The following PTPRD variants were observed in gnomAD, a reference collection of about 807,000 sequenced individuals.
PTPRD encodes receptor-type tyrosine-protein phosphatase delta.
In PTPRD, 34 loss-of-function variants were observed where a neutral mutation model predicts 214.5. That is an observed-to-expected ratio of 0.16 (90% CI 0.12 to 0.21). PTPRD has a LOEUF of 0.21. Among genes scored for constraint, PTPRD ranks in the 10% least tolerant of loss-of-function variants. PTPRD has a pLI of 1.00. For synonymous variants in PTPRD, 1,128 were observed against 845.7 expected (o/e 1.33, Z -5.79); for missense variants, 2,545 against 2,398.7 (o/e 1.06, Z -1.27).
At chr9:9,680,985 C>G (rs746971331) in intron 7 of PTPRD, among the ~76,000 whole-genome samples, 1 of 151,660 alleles carries the variant, frequency 6.6e-6, no homozygotes. Context: ...TCATTTAGTT[C>G]TTTAATATGG....
At chr9:10,023,401 T>G (rs1285648882) in intron 4 of PTPRD, among the ~76,000 whole-genome samples, 2 of 152,190 alleles carry the variant, frequency 1.3e-5, no homozygotes, top group Non-Finnish European at 2.9e-5. Context: ...CAAGGACTCC[T>G]GTCCGTCCTT....
intron 10 of PTPRD, among the ~76,000 whole-genome samples, chr9:9,076,330 G>T (rs570629062): frequency 1.5e-4 from 23 of 152,072 alleles, no homozygotes; most frequent in African/African-American, 5.5e-4. Flanking sequence ...ATTTTCCCCC[G>T]TTCTGTAGGT....
chr9:10,140,059 C>A (rs923136859), intron 3 of PTPRD, among the ~76,000 whole-genome samples: 3 of 152,012 alleles, frequency 2.0e-5, no homozygotes, highest in Admixed American at 1.3e-4. Flanking sequence ...AATTAAAGAG[C>A]TTCTTCTCAG....
intron 2 of PTPRD, among the ~76,000 whole-genome samples, chr9:10,602,954 T>G (rs539421442): frequency 6.6e-6 from 1 of 151,954 alleles, no homozygotes; most frequent in South Asian, 2.1e-4. Context: ...ACGTTGCTAT[T>G]CCACCATGCC....
Position 9,807,115 on chromosome 9 carries a change from A to T in PTPRD, c.-367-40264T>A, listed in dbSNP as rs1010938055. 6.6e-5 allele frequency among the ~76,000 whole-genome samples: 10 copies of T among 152,182 alleles called. No homozygotes were observed. The South Asian group carries it at 1.2e-3, about 19-fold the overall frequency. On this transcript the variant is annotated intron_variant, in intron 5 of 45. Transcript: ENST00000381196. ...TTTCTGCTCTAAAATCTTTTAATAA[A>T]CTTTCACTCCCGCTGCAAAACTTGC...
chr9:8,533,675 T>C (rs1199463022), intron 14 of PTPRD, among the ~76,000 whole-genome samples: 2 of 151,990 alleles, frequency 1.3e-5, no homozygotes, highest in Admixed American at 6.6e-5. Flanking sequence ...AATAGTGTTA[T>C]CAATAAACCG....
intron 2 of PTPRD, among the ~76,000 whole-genome samples, chr9:10,426,290 G>C (rs894006883): frequency 6.6e-6 from 1 of 151,950 alleles, no homozygotes; most frequent in African/African-American, 2.4e-5. Flanking sequence ...CATTTCATGA[G>C]TATTGTCATT....
intron 27 of PTPRD, among the ~76,000 whole-genome samples, chr9:8,489,778 T>C (rs1256225043): frequency 6.6e-6 from 1 of 152,120 alleles, no homozygotes; most frequent in African/African-American, 2.4e-5. Context: ...TTAAAAAGAA[T>C]TCTCCCAAAC....
intron 8 of PTPRD, among the ~76,000 whole-genome samples, chr9:9,485,735 A>G (rs1368506526): frequency 6.6e-6 from 1 of 152,124 alleles, no homozygotes; most frequent in African/African-American, 2.4e-5. Flanking sequence ...CCAAATTTAC[A>G]CTGAACCTAT....
intron 5 of PTPRD, among the ~76,000 whole-genome samples, chr9:9,795,266 G>C (rs965533811): frequency 6.6e-6 from 1 of 152,176 alleles, no homozygotes; most frequent in Non-Finnish European, 1.5e-5. Flanking sequence ...TTTGGAAATA[G>C]TGGGGTATAT....
intron 2 of PTPRD, among the ~76,000 whole-genome samples, chr9:10,430,565 TA>T (rs1766994347): frequency 6.6e-6 from 1 of 151,952 alleles, no homozygotes; most frequent in Non-Finnish European, 1.5e-5. Flanking sequence ...AACACAATGC[TA>T]ATATTTTGAT....
chr9:8,410,426 C>A (rs1341145511), intron 35 of PTPRD, among the ~76,000 whole-genome samples: 1 of 152,174 alleles, frequency 6.6e-6, no homozygotes, highest in African/African-American at 2.4e-5. Flanking sequence ...CTCTTAATGT[C>A]AACCTAGTGT....
chr9:9,775,565 G>A (rs898244566), intron 5 of PTPRD, among the ~76,000 whole-genome samples: 3 of 152,152 alleles, frequency 2.0e-5, no homozygotes, highest in African/African-American at 7.2e-5. Flanking sequence ...AGCATTCAGA[G>A]GCTAGAATTC....
chr9:10,245,241 G>A lies in PTPRD; in HGVS notation c.-545+95722C>T, dbSNP rs896987804. On this transcript the variant is annotated intron_variant, in intron 3 of 45. Transcript: ENST00000381196. ...GATTAGTCATATGTTATAGAAACCT[G>A]TGTAAAGCAGAGACAGCATTAAATA... Among the ~76,000 whole-genome samples, 3 of 152,080 alleles carry A rather than the reference G, an allele frequency of 2.0e-5. 1 individual carries two copies. The highest frequency in any genetic ancestry group is 7.2e-5 in the African/African-American group (3 of 41,416).
intron 2 of PTPRD, among the ~76,000 whole-genome samples, chr9:10,600,918 G>A (rs957741310): frequency 6.6e-6 from 1 of 151,572 alleles, no homozygotes; most frequent in Non-Finnish European, 1.5e-5. Context: ...ACAGAGAAAA[G>A]GCAATTATAA....
chr9:8,881,697 CCTG>C (rs1407259111), intron 11 of PTPRD, among the ~76,000 whole-genome samples: 2 of 152,068 alleles, frequency 1.3e-5, no homozygotes, highest in African/African-American at 2.4e-5. Context: ...GCTTTTAAGA[CCTG>C]CATTTTAAGG....
intron 42 of PTPRD, among the ~76,000 whole-genome samples, chr9:8,339,771 T>C (rs12339065): frequency 0.013 from 1,969 of 151,916 alleles, 39 homozygotes; most frequent in African/African-American, 0.044. Flanking sequence ...TATTAGGTCA[T>C]AGTGGTAGAG....
chr9:8,923,047 T>A (rs1372992373), intron 11 of PTPRD, among the ~76,000 whole-genome samples: 1 of 151,644 alleles, frequency 6.6e-6, no homozygotes, highest in Non-Finnish European at 1.5e-5. Context: ...CTGTCTTTTT[T>A]TTTGTTGTTT....
chr9:9,391,130 T>C (rs1216320973), intron 9 of PTPRD, among the ~76,000 whole-genome samples: 2 of 150,222 alleles, frequency 1.3e-5, no homozygotes, highest in East Asian at 1.9e-4. Flanking sequence ...ATGAAATGAA[T>C]GGAGGGTTTA....
Sources: allele counts gnomAD v4.1 joint callset (sites outside exome capture counted in the v4.1 genomes callset), GRCh38; gene constraint gnomAD v4.1.1; transcripts MANE v1.5; gene names NCBI Gene and HGNC (gene_info 2026-07-23, HGNC 2026-07-21).